Variants in SMYD3 observed in about 807,000 individuals in gnomAD.
The protein encoded by SMYD3 is SET and MYND domain containing 3.
Under a neutral mutation model 57.7 loss-of-function variants are expected in SMYD3, and 36 were observed. That is an observed-to-expected ratio of 0.62 (90% confidence interval 0.48 to 0.82). The LOEUF is 0.82. SMYD3 is among the 40% of genes least tolerant of loss of function. The pLI, the probability that SMYD3 is intolerant of heterozygous loss-of-function variation, is 0.00. For missense variants in SMYD3, 515 were observed against 538.8 expected (o/e 0.96, Z 0.44); for synonymous variants, 211 against 195.0 (o/e 1.08, Z -0.68).
intron 5 of SMYD3, among the ~76,000 whole-genome samples, chr1:246,059,818 C>T (rs6693295): frequency 0.25 from 37,444 of 151,974 alleles, 5,194 homozygotes; most frequent in East Asian, 0.39. Flanking sequence ...GGTAAGAGCC[C>T]AATCACTCAC....
intron 5 of SMYD3, among the ~76,000 whole-genome samples, chr1:246,296,617 C>T (rs930601653): frequency 2.6e-5 from 4 of 152,024 alleles, no homozygotes; most frequent in African/African-American, 9.7e-5. Context: ...TGTGTAATCT[C>T]ATTTTCTGTA....
rs115507605 is a variant in SMYD3 at position 246,137,281 on chromosome 1, G to C, written c.531+189920C>G. Among the ~76,000 whole-genome samples the C allele has an allele frequency of 6.7e-3, 1,018 of 152,188 alleles. 8 individuals are homozygous for C. Among genetic ancestry groups the C allele is most frequent in the Non-Finnish European group, 8.6e-3 (586 of 68,004 alleles). ...GGTTACTCGCCATTTCTCCTCACCT[G>C]AGTCCATGGGATTCACATGTTTTAA... On this transcript the variant is annotated intron_variant, in intron 5 of 11. Coordinates refer to ENST00000490107, the MANE Select transcript of SMYD3 (RefSeq NM_001167740.2).
At chr1:246,328,384 T>G (rs1301103990) in intron 4 of SMYD3, among the ~76,000 whole-genome samples, 1 of 152,198 alleles carries the variant, frequency 6.6e-6, no homozygotes, top group Non-Finnish European at 1.5e-5. Flanking sequence ...GTGAGAGCAT[T>G]TCACTTAAGG....
At chr1:246,223,423 T>C (rs979259127) in intron 5 of SMYD3, among the ~76,000 whole-genome samples, 2 of 152,138 alleles carry the variant, frequency 1.3e-5, no homozygotes, top group African/African-American at 4.8e-5. Context: ...CTGGAAAAGA[T>C]AGAGGCAGCC....
At chr1:246,341,443 T>C (rs1235337952) in intron 2 of SMYD3, among the ~76,000 whole-genome samples, 2 of 152,326 alleles carry the variant, frequency 1.3e-5, no homozygotes, top group South Asian at 4.1e-4. Context: ...CTTAAATGAG[T>C]ATAGTACCAA....
intron 5 of SMYD3, among the ~76,000 whole-genome samples, chr1:246,183,286 C>T (rs148873807): frequency 1.3e-5 from 2 of 151,940 alleles, no homozygotes. Flanking sequence ...TGAGGAATAA[C>T]GAGAAACTAC....
At chr1:245,831,367 G>A (rs2049824248) in intron 10 of SMYD3, among the ~76,000 whole-genome samples, 1 of 152,204 alleles carries the variant, frequency 6.6e-6, no homozygotes, top group Non-Finnish European at 1.5e-5. Flanking sequence ...ATTTGGCCAA[G>A]ACCTTTGATA....
intron 5 of SMYD3, among the ~76,000 whole-genome samples, chr1:245,984,003 T>C (rs962655973): frequency 4.6e-5 from 7 of 151,732 alleles, no homozygotes; most frequent in African/African-American, 1.5e-4. Context: ...CTACTCTTTT[T>C]TTTTTTTTTT....
chr1:246,385,866 C>T (rs2066469021), intron 1 of SMYD3, among the ~76,000 whole-genome samples: 1 of 152,160 alleles, frequency 6.6e-6, no homozygotes, highest in Non-Finnish European at 1.5e-5. Context: ...TGTCCACGGA[C>T]CATACTTTGA....
chr1:245,849,964 T>TTGA (rs199601433), intron 10 of SMYD3, among the ~76,000 whole-genome samples: 116,261 of 151,872 alleles, frequency 0.77, 46,971 homozygotes, highest in Non-Finnish European at 0.9. Context: ...ATTCACTGTC[T>TTGA]TGATGACAGA....
intron 5 of SMYD3, among the ~76,000 whole-genome samples, chr1:246,097,302 C>T (rs2060932377): frequency 6.6e-6 from 1 of 152,014 alleles, no homozygotes; most frequent in South Asian, 2.1e-4. Context: ...TATGCTGATT[C>T]CCTGTTCTAT....
intron 5 of SMYD3, among the ~76,000 whole-genome samples, chr1:246,141,787 A>G (rs773132462): frequency 3.3e-5 from 5 of 152,286 alleles, no homozygotes; most frequent in Non-Finnish European, 7.3e-5. Context: ...CCTGGAATAC[A>G]GCACTAGTTG....
At chr1:246,277,879 G>A (rs1164526169) in intron 5 of SMYD3, among the ~76,000 whole-genome samples, 3 of 152,174 alleles carry the variant, frequency 2.0e-5, no homozygotes, top group East Asian at 1.9e-4. Flanking sequence ...TAGGAGGATT[G>A]ATACCAAAGG....
At chr1:246,113,579 T>C (rs1468932136) in intron 5 of SMYD3, 1 of 152,234 alleles carries the variant, frequency 6.6e-6, no homozygotes, top group Non-Finnish European at 1.5e-5. Flanking sequence ...TTTGTTAAAA[T>C]GGTACAAGGA....
intron 1 of SMYD3, among the ~76,000 whole-genome samples, chr1:246,472,805 A>G (rs1171269350): frequency 6.7e-6 from 1 of 150,244 alleles, no homozygotes; most frequent in Non-Finnish European, 1.5e-5. Flanking sequence ...AGGCAATCAT[A>G]TCTAACTATT....
intron 10 of SMYD3, among the ~76,000 whole-genome samples, chr1:245,826,851 A>G (rs1033238986): frequency 7.1e-5 from 1 of 14,042 alleles, no homozygotes; most frequent in Non-Finnish European, 5.6e-4. Context: ...TCAGATCTCA[A>G]GAGAACTCAC....
intron 5 of SMYD3, among the ~76,000 whole-genome samples, chr1:245,940,729 G>T (rs1160156729): frequency 6.6e-6 from 1 of 152,116 alleles, no homozygotes; most frequent in Non-Finnish European, 1.5e-5. Flanking sequence ...CAAAAATGCT[G>T]AAAACTCAAA....
intron 5 of SMYD3, among the ~76,000 whole-genome samples, chr1:246,003,561 C>G (rs2059117754): frequency 1.3e-5 from 2 of 152,144 alleles, no homozygotes; most frequent in Admixed American, 1.3e-4. Context: ...CTTTTTATCT[C>G]TTCCCACCCC....
At chr1:246,134,901 ATT>A (rs2061644829) in intron 5 of SMYD3, among the ~76,000 whole-genome samples, 1 of 151,318 alleles carries the variant, frequency 6.6e-6, no homozygotes, top group African/African-American at 2.4e-5. Context: ...CCAAACTAAA[ATT>A]ACATCCCCAA....
Sources: allele counts gnomAD v4.1 joint callset (sites outside exome capture counted in the v4.1 genomes callset), GRCh38; gene constraint gnomAD v4.1.1; transcripts MANE v1.5; gene names NCBI Gene and HGNC (gene_info 2026-07-23, HGNC 2026-07-21).